The following ATP2B2 variants were observed in gnomAD, a reference collection of about 807,000 sequenced individuals.
The protein encoded by ATP2B2 is plasma membrane calcium-transporting ATPase 2.
In ATP2B2, 15 loss-of-function variants were observed where a neutral mutation model predicts 120.0. The ratio of observed to expected loss-of-function variants is 0.12; its 90% CI spans 0.08 to 0.19. The LOEUF (loss-of-function observed/expected upper bound fraction) is 0.19, where lower values mean the gene tolerates loss of function less well. ATP2B2 is among the 10% of genes least tolerant of loss of function. The pLI is 1.00. For missense variants in ATP2B2, 1,045 were observed against 1,719.8 expected, an observed-to-expected ratio of 0.61 and a Z score of 6.94; for synonymous variants, 694 against 700.3, an observed-to-expected ratio of 0.99 and a Z score of 0.14.
At chr3:10,555,470 C>T (rs2067758351) in intron 2 of ATP2B2, among the ~76,000 whole-genome samples, 1 of 152,234 alleles carries the variant, frequency 6.6e-6, no homozygotes, top group African/African-American at 2.4e-5. Context: ...CTTCCCTGAC[C>T]TCCCTGTGCA....
chr3:10,464,435 C>T (rs942147807), intron 1 of ATP2B2, among the ~76,000 whole-genome samples: 2 of 152,116 alleles, frequency 1.3e-5, no homozygotes, highest in African/African-American at 4.8e-5. Context: ...AGCCAGGACA[C>T]GGCAGGGTAT....
rs185172981 is a variant in ATP2B2, at chr3:10,696,527, G to T, written c.-460+11388C>A. On this transcript the variant is annotated intron_variant, in intron 1 of 21. Transcript: ENST00000646379. ...CCACCTCCAAATGGCCTGGCGCAGGGTTTCCGCAGCTGCCTGGACTTGCTG... is the reference window on the plus strand; with the variant it reads ...CCACCTCCAAATGGCCTGGCGCAGGTTTTCCGCAGCTGCCTGGACTTGCTG... 4.6e-5 allele frequency among the ~76,000 whole-genome samples: 7 copies of T among 152,294 alleles called. No individual in the cohort carries two copies. In the East Asian group the frequency reaches 1.4e-3, roughly 29 times the overall value.
chr3:10,638,291 A>T (rs1449256009), intron 1 of ATP2B2, among the ~76,000 whole-genome samples: 1 of 152,220 alleles, frequency 6.6e-6, no homozygotes, highest in East Asian at 1.9e-4. Context: ...AAAAATGACA[A>T]CAAAGAAGTA....
chr3:10,477,609 A>T (rs780919305), intron 1 of ATP2B2, among the ~76,000 whole-genome samples: 5 of 152,174 alleles, frequency 3.3e-5, no homozygotes, highest in African/African-American at 4.8e-5. Flanking sequence ...TATGAGTTTG[A>T]CTACTGTAGC....
intron 3 of ATP2B2, among the ~76,000 whole-genome samples, chr3:10,529,101 G>A (rs560161515): frequency 6.6e-6 from 1 of 152,360 alleles, no homozygotes; most frequent in East Asian, 1.9e-4. Context: ...CCCGGGGGAA[G>A]ACTCAAGAGC....
Position 10,347,769 on chromosome 3 carries a change from C to T in ATP2B2, c.2405-1632G>A, listed in dbSNP as rs1174569028. ...GGACCGTTGCGTAGCTCAAGCTGTGCGGAAAGCTGGGAGGAAACCTCTCCC... is the reference window on the plus strand; with the variant it reads ...GGACCGTTGCGTAGCTCAAGCTGTGTGGAAAGCTGGGAGGAAACCTCTCCC... On this transcript the variant is annotated intron_variant, in intron 16 of 22. Coordinates refer to ENST00000360273, the MANE Select transcript of ATP2B2 (RefSeq NM_001001331.4). This position sits in a 1 kb window ranked among gnomAD's most constrained non-coding sequence, Gnocchi z 5.2. Among the ~76,000 whole-genome samples, 3 of 152,176 alleles carry T rather than the reference C, an allele frequency of 2.0e-5. No individual in the cohort carries two copies. Among genetic ancestry groups the T allele is most frequent in the South Asian group, 4.1e-4 (2 of 4,834 alleles).
chr3:10,499,803 T>C (rs985539338), intron 1 of ATP2B2, among the ~76,000 whole-genome samples: 2 of 152,172 alleles, frequency 1.3e-5, no homozygotes, highest in Non-Finnish European at 2.9e-5. Flanking sequence ...GATTCCTAGC[T>C]GTGGGCCCTA....
At chr3:10,612,318 T>G (rs899561605) in intron 2 of ATP2B2, among the ~76,000 whole-genome samples, 1 of 152,218 alleles carries the variant, frequency 6.6e-6, no homozygotes, top group Non-Finnish European at 1.5e-5. Flanking sequence ...GCAACTCAGC[T>G]CAAGATTACT....
chr3:10,492,633 C>T (rs140877881), intron 1 of ATP2B2, among the ~76,000 whole-genome samples: 50 of 152,290 alleles, frequency 3.3e-4, no homozygotes, highest in African/African-American at 1.1e-3. Context: ...ATTGCAGCTG[C>T]CTCATTTGCG....
At chr3:10,598,107 C>A (rs759131148) in intron 2 of ATP2B2, among the ~76,000 whole-genome samples, 3 of 152,148 alleles carry the variant, frequency 2.0e-5, no homozygotes, top group Non-Finnish European at 4.4e-5. Context: ...ACACAAAAGT[C>A]TCATGGGAAT....
chr3:10,374,100 G>A (rs889332971), intron 11 of ATP2B2, among the ~76,000 whole-genome samples: 1 of 152,154 alleles, frequency 6.6e-6, no homozygotes, highest in African/African-American at 2.4e-5. Flanking sequence ...AAGGTAGCGG[G>A]TGCCAGAGAT....
intron 2 of ATP2B2, among the ~76,000 whole-genome samples, chr3:10,598,010 G>A (rs1174985585): frequency 6.6e-6 from 1 of 152,152 alleles, no homozygotes; most frequent in Non-Finnish European, 1.5e-5. Context: ...CTACTGGGGG[G>A]CAGGAACATG....
chr3:10,649,585 G>A (rs1362256225), intron 1 of ATP2B2, among the ~76,000 whole-genome samples: 4 of 152,266 alleles, frequency 2.6e-5, no homozygotes, highest in East Asian at 1.9e-4. Flanking sequence ...TCTGACCTCA[G>A]CTCAGGAAGG....
At chr3:10,441,834 AGGTG>A (rs1464946880) in intron 2 of ATP2B2, among the ~76,000 whole-genome samples, 1 of 152,174 alleles carries the variant, frequency 6.6e-6, no homozygotes, top group East Asian at 1.9e-4. Context: ...CAGTTCTAGG[AGGTG>A]GGTGTTATTA....
At chr3:10,463,880 G>C (rs1017847687) in intron 1 of ATP2B2, among the ~76,000 whole-genome samples, 6 of 152,260 alleles carry the variant, frequency 3.9e-5, no homozygotes, top group Non-Finnish European at 7.3e-5. Context: ...TCTGCCAGGA[G>C]GCAGCCCTTG....
chr3:10,587,489 C>G (rs998393331), intron 2 of ATP2B2, among the ~76,000 whole-genome samples: 7 of 152,270 alleles, frequency 4.6e-5, no homozygotes, highest in African/African-American at 1.7e-4. Context: ...AAGTGAATCT[C>G]CTGCCTCAGC....
At chr3:10,457,583 AG>A (rs2064316234) in intron 1 of ATP2B2, among the ~76,000 whole-genome samples, 1 of 132,478 alleles carries the variant, frequency 7.5e-6, no homozygotes, top group Non-Finnish European at 1.7e-5. Flanking sequence ...AGAGAGAGAG[AG>A]CAAGCCCAAG....
chr3:10,463,681 C>T (rs1361868412), intron 1 of ATP2B2, among the ~76,000 whole-genome samples: 1 of 152,228 alleles, frequency 6.6e-6, no homozygotes. Context: ...GTGGAACACA[C>T]TGCAGCATGT....
chr3:10,429,761 C>T (rs1364720074), intron 2 of ATP2B2, among the ~76,000 whole-genome samples: 1 of 152,194 alleles, frequency 6.6e-6, no homozygotes, highest in African/African-American at 2.4e-5. Context: ...AGCTAGGCCT[C>T]TTATGCCAAA....
Sources: allele counts gnomAD v4.1 joint callset (sites outside exome capture counted in the v4.1 genomes callset), GRCh38; gene constraint gnomAD v4.1.1; non-coding constraint Gnocchi (gnomAD v3.1); transcripts MANE v1.5; gene names NCBI Gene and HGNC (gene_info 2026-07-23, HGNC 2026-07-21).